HKDC1: variants seen among roughly 807,000 people sequenced by gnomAD.
HKDC1 encodes the protein hexokinase domain containing 1.
In HKDC1, 66 loss-of-function variants were observed where a neutral mutation model predicts 96.6. That is an observed-to-expected ratio of 0.68 (90% CI 0.56 to 0.84). The LOEUF (loss-of-function observed/expected upper bound fraction) is 0.84, where lower values mean the gene tolerates loss of function less well. Ranked by LOEUF, HKDC1 falls within the 40% of genes least tolerant of loss-of-function variation. HKDC1 has a pLI of 0.00. For missense variants in HKDC1, 1,211 were observed against 1,208.1 expected, an observed-to-expected ratio of 1.00 and a Z score of -0.04; for synonymous variants, 466 against 473.1, an observed-to-expected ratio of 0.98 and a Z score of 0.20.
chr10:69,262,591 A>G (rs549224966), intron 16 of HKDC1, among the ~76,000 whole-genome samples: 2 of 152,350 alleles, frequency 1.3e-5, no homozygotes, highest in East Asian at 3.9e-4. Context: ...CCCACAAGTG[A>G]AAAATCACTT....
At chr10:69,244,054 C>G (rs1263196386) in intron 7 of HKDC1, among the ~76,000 whole-genome samples, 1 of 151,962 alleles carries the variant, frequency 6.6e-6, no homozygotes, top group Non-Finnish European at 1.5e-5. Context: ...CGCATGTCCC[C>G]CAGCCGCCTT....
Position 69,248,441 on chromosome 10 carries a change from A to C in HKDC1, c.1283A>C (p.His428Pro). 1 of 1,575,006 alleles carries C rather than the reference A, an allele frequency of 6.3e-7. No individual in the cohort carries two copies. Among genetic ancestry groups the C allele is most frequent in the South Asian group, 1.2e-5 (1 of 85,206 alleles). Residue 428 changes from histidine to proline, a missense_variant, in exon 10 of 18, where the codon CAC (histidine) becomes CCC (proline). His to Pro is a moderately conservative substitution (Grantham distance 77). Coordinates refer to ENST00000354624, the MANE Select transcript of HKDC1 (RefSeq NM_025130.4). The part of the protein sequence containing the change: ...KIHPQYPKRL[H>P]KVVRKLVPSC... ...TGCTTCAGGTACCCAAAACGCCTGC[A>C]CAAGGTGGTGAGGAAACTGGTCCCA... is the stretch of plus-strand genomic sequence containing the variant.
Position 69,233,025 on chromosome 10 carries a change from T to C in HKDC1, c.387T>C (p.Tyr129=), listed in dbSNP as rs1172545101. The C allele has an allele frequency of 4.3e-6, 7 of 1,613,988 alleles. No homozygotes were observed. In the African/African-American group the frequency reaches 9.3e-5, roughly 22 times the overall value. The change falls in exon 4 of 18, where the codon TAT becomes TAC. Residue 129 remains tyrosine, a synonymous_variant. Coordinates refer to ENST00000354624, the MANE Select transcript of HKDC1 (RefSeq NM_025130.4). The stretch of plus-strand genomic sequence containing the variant: ...TCTCTTCTCTGCAGCTGTTTGAATA[T>C]GTAGCTGACTGTCTGGCAGATTTCA... ...IRGNGTELFE[Y]VADCLADFMK... is the part of the protein sequence containing the mutation.
At chr10:69,257,687 G>GC (rs556633751) in intron 14 of HKDC1, among the ~76,000 whole-genome samples, 2 of 141,076 alleles carry the variant, frequency 1.4e-5, no homozygotes, top group Admixed American at 6.8e-5. Flanking sequence ...AATTGTCATG[G>GC]GGGGGGGAAG....
In HKDC1 at chr10:69,257,331, T is replaced by A. The variant is rs1214723540; in HGVS notation, c.1937T>A (p.Phe646Tyr). 1.9e-6 allele frequency: 3 copies of A among 1,613,296 alleles called. No individual in the cohort carries two copies. The highest frequency in any genetic ancestry group is 2.5e-6 in the Non-Finnish European group (3 of 1,179,304). ...LREAIKRRNEFDLDIVAVVND... is the reference protein window; with the variant it reads ...LREAIKRRNEYDLDIVAVVND... ...TGTTTTTGTTTTTGTTTTTAGGAGT[T>A]TGACCTGGACATTGTTGCAGTCGTG... Residue 646 changes from phenylalanine (F) to tyrosine (Y), a missense_variant, in exon 14 of 18, where the codon TTT becomes TAT. Physicochemically the swap from Phe to Tyr is conservative, Grantham distance 22. Transcript: ENST00000354624.
Position 69,258,971 on chromosome 10 carries a change from G to A in HKDC1, c.2216+12G>A, listed in dbSNP as rs1285289671. 3 of 1,538,044 alleles carry A rather than the reference G, an allele frequency of 2.0e-6. No homozygotes were observed. The highest frequency in any genetic ancestry group is 2.6e-5 in the South Asian group (2 of 77,894). ...CCTGGCAAGCAGAGGTGAAGAGGGT[G>A]GATGTGTGCATTTATGTGGGTTGTG... On this transcript the variant is annotated intron_variant, in intron 15 of 17. Coordinates refer to ENST00000354624, the MANE Select transcript of HKDC1 (RefSeq NM_025130.4).
chr10:69,233,012 A>G lies in HKDC1; in HGVS notation c.376-2A>G. 6.2e-7 allele frequency: 1 copy of G among 1,613,994 alleles called. No homozygotes were observed. The highest frequency in any genetic ancestry group is 8.5e-7 in the Non-Finnish European group (1 of 1,180,046). On this transcript the variant is annotated splice_acceptor_variant, in intron 3 of 17. Coordinates refer to ENST00000354624, the MANE Select transcript of HKDC1 (RefSeq NM_025130.4). LOFTEE classifies it high-confidence loss of function. ...ATGTACTTTGCTTTCTCTTCTCTGC[A>G]GCTGTTTGAATATGTAGCTGACTGT...
chr10:69,236,194 C>T (rs374309761), intron 4 of HKDC1, among the ~76,000 whole-genome samples: 17 of 150,202 alleles, frequency 1.1e-4, no homozygotes, highest in South Asian at 4.2e-4. Context: ...CCACAATCTC[C>T]GTCTCCCAGG....
At chr10:69,233,626 C>A (rs536327549) in intron 4 of HKDC1, among the ~76,000 whole-genome samples, 3 of 149,022 alleles carry the variant, frequency 2.0e-5, no homozygotes, top group African/African-American at 7.4e-5. Flanking sequence ...GGACCAGGCG[C>A]GGTGGCTCAC....
chr10:69,225,852 T>C (rs1408813320), intron 1 of HKDC1: 1 of 152,340 alleles, frequency 6.6e-6, no homozygotes, highest in Non-Finnish European at 1.5e-5. Context: ...CTTACGTGGC[T>C]GCCTCAAAGG....
rs200176844 is a variant in HKDC1 at position 69,239,108 on chromosome 10, C to A, written c.562C>A (p.Arg188Ser). 5 of 1,613,864 alleles carry A rather than the reference C, an allele frequency of 3.1e-6. No homozygotes were observed. The South Asian group carries it at 5.5e-5, about 18-fold the overall frequency. Residue 188 changes from arginine (R) to serine (S), a missense_variant, in exon 5 of 18, where the codon CGT becomes AGT. Transcript: ENST00000354624. ...AGTTCAGGACACGGATGTGGTGAGC[C>A]GTCTGACCAAAGCCATGAGAAGACA... ...RGVQDTDVVS[R>S]LTKAMRRHKD...
intron 16 of HKDC1, among the ~76,000 whole-genome samples, chr10:69,262,798 T>A (rs1463129964): frequency 2.0e-5 from 3 of 152,102 alleles, no homozygotes; most frequent in African/African-American, 7.2e-5. Flanking sequence ...CTTCAACCCA[T>A]CCAATCTGAA....
At chr10:69,239,241 A>G in intron 5 of HKDC1, 104 bp downstream of exon 5, 1 of 713,902 alleles carries the variant, frequency 1.4e-6, no homozygotes, top group African/African-American at 1.8e-5. Flanking sequence ...TGGTGCCTGC[A>G]TGGAGGGAGA....
chr10:69,224,460 T>A (rs1430322639), intron 1 of HKDC1, among the ~76,000 whole-genome samples: 1 of 151,930 alleles, frequency 6.6e-6, no homozygotes, highest in Admixed American at 6.6e-5. Context: ...ATTTTTGTAT[T>A]TTTAGTAGAG....
intron 13 of HKDC1, 74 bp from the exon 14 acceptor site, chr10:69,257,253 T>C: frequency 6.8e-7 from 1 of 1,477,892 alleles, no homozygotes; most frequent in Non-Finnish European, 9.5e-7. Context: ...AACATGCCCC[T>C]CCTAAACCTG....
intron 7 of HKDC1, among the ~76,000 whole-genome samples, 168 bp downstream of exon 7, chr10:69,243,533 C>T (rs182705711): frequency 7.2e-6 from 1 of 138,838 alleles, no homozygotes; most frequent in African/African-American, 2.7e-5. Flanking sequence ...GTCTCACTCT[C>T]TAGCCCAGGC....
chr10:69,245,943 C>A, intron 7 of HKDC1, 136 bp from the exon 8 acceptor site: 1 of 1,092,066 alleles, frequency 9.2e-7, no homozygotes, highest in Non-Finnish European at 1.3e-6. Context: ...CCATCCAGCA[C>A]TTTGCGAGAA....
intron 4 of HKDC1, among the ~76,000 whole-genome samples, chr10:69,233,467 C>T (rs551429006): frequency 6.6e-6 from 1 of 152,180 alleles, no homozygotes; most frequent in East Asian, 1.9e-4. Flanking sequence ...CCTAAATTCG[C>T]CTCCCTGACA....
chr10:69,266,885 C>T lies in HKDC1; in HGVS notation c.*128C>T. On this transcript the variant is annotated 3_prime_UTR_variant, in exon 18 of 18. Transcript: ENST00000354624. ...CCTTCTGGATGGCCGAAAGAGAACC[C>T]CAGGTTCTCGGGTACTCTTAGTATC... is the stretch of plus-strand genomic sequence containing the variant. The T allele has an allele frequency of 2.3e-6, 2 of 865,808 alleles. No individual in the cohort carries two copies. The highest frequency in any genetic ancestry group is 3.6e-6 in the Non-Finnish European group (2 of 561,006). 53.6% of individuals were successfully genotyped at this position (865,808 alleles called of 1,614,324 possible).
Sources: allele counts gnomAD v4.1 joint callset (sites outside exome capture counted in the v4.1 genomes callset), GRCh38; gene constraint gnomAD v4.1.1; transcripts MANE v1.5; gene names NCBI Gene and HGNC (gene_info 2026-07-23, HGNC 2026-07-21).